DNAJC1: variants seen among roughly 807,000 people sequenced by gnomAD.
The protein encoded by DNAJC1 is DnaJ heat shock protein family (Hsp40) member C1.
A neutral mutation model predicts 76.6 loss-of-function variants in DNAJC1; 58 were observed. That is an observed-to-expected ratio of 0.76 (90% CI 0.61 to 0.94). DNAJC1 has a LOEUF of 0.94. Among genes scored for constraint, DNAJC1 ranks in the 40% least tolerant of loss-of-function variants. The probability of loss-of-function intolerance (pLI) is 0.00; values close to 1 mark genes in which losing one functional copy is unlikely to be tolerated. For synonymous variants in DNAJC1, 258 were observed against 267.9 expected (o/e 0.96, Z 0.36); for missense variants, 689 against 677.3 (o/e 1.02, Z -0.19).
chr10:21,813,765 T>C (rs1835029874), intron 8 of DNAJC1, among the ~76,000 whole-genome samples: 1 of 152,156 alleles, frequency 6.6e-6, no homozygotes, highest in South Asian at 2.1e-4. Flanking sequence ...TTATTGCCTG[T>C]TGTAAAAAAT....
At chr10:21,912,806 C>CA (rs1836889405) in intron 6 of DNAJC1, among the ~76,000 whole-genome samples, 1 of 151,716 alleles carries the variant, frequency 6.6e-6, no homozygotes. Flanking sequence ...TGGTTTCTGA[C>CA]AGAGTCCTAG....
chr10:21,870,995 T>C (rs1836094088), intron 8 of DNAJC1, among the ~76,000 whole-genome samples: 1 of 152,072 alleles, frequency 6.6e-6, no homozygotes, highest in African/African-American at 2.4e-5. Context: ...GGAAATTATT[T>C]GTTCTGTCCT....
At chr10:21,909,302 G>A (rs932046426) in intron 6 of DNAJC1, among the ~76,000 whole-genome samples, 13 of 152,188 alleles carry the variant, frequency 8.5e-5, no homozygotes, top group African/African-American at 2.4e-4. Flanking sequence ...TTCTTTGTAC[G>A]TAATTATAGA....
At chr10:21,858,983 A>G (rs1835882887) in intron 8 of DNAJC1, among the ~76,000 whole-genome samples, 1 of 152,208 alleles carries the variant, frequency 6.6e-6, no homozygotes, top group South Asian at 2.1e-4. Flanking sequence ...AAATTGTAAA[A>G]AAAGTATATC....
chr10:21,796,187 C>T (rs1334485251), intron 9 of DNAJC1, among the ~76,000 whole-genome samples: 1 of 152,110 alleles, frequency 6.6e-6, no homozygotes, highest in Admixed American at 6.5e-5. Flanking sequence ...CCAGGCTGGT[C>T]TCAAACTCCT....
At chr10:21,983,048 C>T (rs1328614952) in intron 1 of DNAJC1, among the ~76,000 whole-genome samples, 1 of 152,142 alleles carries the variant, frequency 6.6e-6, no homozygotes, top group African/African-American at 2.4e-5. Flanking sequence ...GAGGAAGACT[C>T]TGTCTCAAAA....
intron 8 of DNAJC1, among the ~76,000 whole-genome samples, chr10:21,817,336 T>C (rs1211333237): frequency 6.6e-6 from 1 of 152,118 alleles, no homozygotes; most frequent in African/African-American, 2.4e-5. Context: ...ACATAAATGT[T>C]TACATTTATT....
At chr10:21,806,818 G>C (rs1182423561) in intron 8 of DNAJC1, among the ~76,000 whole-genome samples, 1 of 151,164 alleles carries the variant, frequency 6.6e-6, no homozygotes, top group East Asian at 1.9e-4. Flanking sequence ...ATTTCATTTT[G>C]GTCAACTTTT....
intron 7 of DNAJC1, among the ~76,000 whole-genome samples, chr10:21,885,134 A>G (rs1391274776): frequency 6.6e-6 from 1 of 152,152 alleles, no homozygotes; most frequent in East Asian, 1.9e-4. Flanking sequence ...CTCACAAGTA[A>G]CGATGCCCTT....
chr10:21,781,306 G>A (rs559506947), intron 9 of DNAJC1, among the ~76,000 whole-genome samples: 21 of 152,070 alleles, frequency 1.4e-4, no homozygotes, highest in Admixed American at 5.2e-4. Context: ...GCAACACATC[G>A]CACTTATTCC....
intron 3 of DNAJC1, among the ~76,000 whole-genome samples, chr10:21,922,134 G>T (rs1465786509): frequency 1.3e-5 from 2 of 151,980 alleles, no homozygotes; most frequent in South Asian, 2.1e-4. Context: ...CAAGTAAATT[G>T]ACCGATCTAG....
At chr10:21,914,752 G>A (rs1836924190) in intron 6 of DNAJC1, among the ~76,000 whole-genome samples, 1 of 152,090 alleles carries the variant, frequency 6.6e-6, no homozygotes, top group South Asian at 2.1e-4. Context: ...ATGATTTTAT[G>A]GGAAGTACTG....
At chr10:21,849,716 A>G (rs892329878) in intron 8 of DNAJC1, among the ~76,000 whole-genome samples, 2 of 152,216 alleles carry the variant, frequency 1.3e-5, no homozygotes, top group East Asian at 3.8e-4. Context: ...AAATCATCAA[A>G]AAAATATTAG....
At chr10:21,778,017 A>T (rs1300070526) in intron 9 of DNAJC1, among the ~76,000 whole-genome samples, 4 of 152,100 alleles carry the variant, frequency 2.6e-5, no homozygotes, top group Non-Finnish European at 5.9e-5. Context: ...GTGAAACCAC[A>T]CCTCTATTAA....
intron 9 of DNAJC1, among the ~76,000 whole-genome samples, chr10:21,774,141 A>G (rs1415679271): frequency 8.0e-6 from 1 of 125,698 alleles, no homozygotes; most frequent in African/African-American, 2.9e-5. Flanking sequence ...ACTCCGTCTC[A>G]AAAAAAAAAA....
intron 1 of DNAJC1, among the ~76,000 whole-genome samples, chr10:21,967,618 A>T (rs1054479435): frequency 6.6e-6 from 1 of 152,202 alleles, no homozygotes; most frequent in African/African-American, 2.4e-5. Flanking sequence ...ATAGGCTAAG[A>T]CCCTGTAACA....
intron 7 of DNAJC1, among the ~76,000 whole-genome samples, chr10:21,904,265 G>T (rs1447796850): frequency 1.3e-5 from 2 of 152,094 alleles, no homozygotes; most frequent in Non-Finnish European, 2.9e-5. Flanking sequence ...GACTTTGGAT[G>T]CCCCTAGATT....
rs33953332 is a variant in DNAJC1, at chr10:21,849,292, CAAAAAA to C, written c.978+32984_978+32989del. On this transcript the variant is annotated intron_variant, in intron 8 of 11. Transcript: ENST00000376980. ...TGGGTGACAGAGTGGGACTCCGCCT[CAAAAAA>C]AAAAAAAAAAAAAAAAAAAAAGTAA... Among the ~76,000 whole-genome samples, 54 of 35,866 alleles carry C rather than the reference CAAAAAA, an allele frequency of 1.5e-3. No homozygotes were observed. In the South Asian group the frequency reaches 0.021, roughly 14 times the overall value. The allele number at this position is 35,866 out of a possible 152,430, so 23.5% of individuals were successfully genotyped here. A position where few individuals can be genotyped will look rare whatever the true frequency, so the allele number is the denominator to read the frequency against.
intron 10 of DNAJC1, among the ~76,000 whole-genome samples, chr10:21,764,885 C>T (rs1012732558): frequency 1.3e-5 from 2 of 152,174 alleles, no homozygotes; most frequent in African/African-American, 2.4e-5. Flanking sequence ...GCTGGATCTG[C>T]TCTCTGCTCA....
Sources: allele counts gnomAD v4.1 joint callset (sites outside exome capture counted in the v4.1 genomes callset), GRCh38; gene constraint gnomAD v4.1.1; transcripts MANE v1.5; gene names NCBI Gene and HGNC (gene_info 2026-07-23, HGNC 2026-07-21).